RPRD2: variants seen among roughly 807,000 people sequenced by gnomAD.
RPRD2 encodes regulation of nuclear pre-mRNA domain-containing protein 2.
RPRD2 carries 12 observed loss-of-function variants against 104.4 expected under a neutral mutation model. That is an observed-to-expected ratio of 0.11 (90% CI 0.07 to 0.19). The LOEUF is 0.19. Among genes scored for constraint, RPRD2 ranks in the 10% least tolerant of loss-of-function variants. The pLI is 1.00. For missense variants in RPRD2, 1,543 were observed against 1,790.1 expected (o/e 0.86, Z 2.49); for synonymous variants, 714 against 684.9 (o/e 1.04, Z -0.66).
chr1:150,464,672 G>C lies in RPRD2; in HGVS notation c.1557G>C (p.Glu519Asp), dbSNP rs1161539287. 7 of 1,612,902 alleles carry C rather than the reference G, an allele frequency of 4.3e-6. No homozygotes were observed. The highest frequency in any genetic ancestry group is 5.9e-6 in the Non-Finnish European group (7 of 1,179,538). Residue 519 changes from glutamate (E) to aspartate (D), a missense_variant, in exon 10 of 11, where the codon GAG becomes GAC. Transcript: ENST00000369068. ...NILSKVEITP[E>D]SILSALSKTQ... ...TCTCCAAGGTGGAGATCACCCCAGA[G>C]AGCATTCTGTCTGCACTTTCCAAAA...
chr1:150,457,566 C>A lies in RPRD2; in HGVS notation c.1149C>A (p.Ile383=). Residue 383 remains isoleucine, a synonymous_variant, in exon 8 of 11, where the codon ATC becomes ATA. Transcript: ENST00000369068. ...ATGTGGAAGATGATGGGTCAAAAATCATTGGTATGTCTTTATGTGATTAAT... is the reference window on the plus strand; with the variant it reads ...ATGTGGAAGATGATGGGTCAAAAATAATTGGTATGTCTTTATGTGATTAAT... ...LSDVEDDGSK[I]IVEDRKEKPA... is the part of the protein sequence containing the mutation. 6.2e-7 allele frequency: 1 copy of A among 1,613,544 alleles called. No homozygotes were observed. The highest frequency in any genetic ancestry group is 8.5e-7 in the Non-Finnish European group (1 of 1,179,468).
chr1:150,436,400 G>C (rs1471010730), intron 2 of RPRD2, among the ~76,000 whole-genome samples: 2 of 151,944 alleles, frequency 1.3e-5, no homozygotes, highest in Non-Finnish European at 2.9e-5. Flanking sequence ...GGGAGATCGA[G>C]ACCATCCTGG....
At chr1:150,395,670 C>A (rs1662462948) in intron 1 of RPRD2, among the ~76,000 whole-genome samples, 1 of 152,098 alleles carries the variant, frequency 6.6e-6, no homozygotes, top group Non-Finnish European at 1.5e-5. Flanking sequence ...GCCACCACGC[C>A]TGGCTAGTTT....
chr1:150,398,285 C>T (rs1662695090), intron 1 of RPRD2, among the ~76,000 whole-genome samples: 1 of 152,060 alleles, frequency 6.6e-6, no homozygotes, highest in African/African-American at 2.4e-5. Context: ...CAAGCTCTGC[C>T]TCCCAGGTTC....
intron 10 of RPRD2, among the ~76,000 whole-genome samples, chr1:150,468,602 C>T (rs1473458424): frequency 6.6e-6 from 1 of 152,056 alleles, no homozygotes; most frequent in Non-Finnish European, 1.5e-5. Flanking sequence ...TCAGGCTGGG[C>T]ATGGTGGCTC....
chr1:150,411,233 G>T (rs1663875158), intron 1 of RPRD2, among the ~76,000 whole-genome samples: 1 of 151,880 alleles, frequency 6.6e-6, no homozygotes, highest in African/African-American at 2.4e-5. Context: ...GTCCAAGGCG[G>T]GTGGATCACC....
At position 150,438,705 on chromosome 1, in the gene RPRD2, A is replaced by G. The variant is rs782683191; in HGVS notation, c.336-2218A>G. Among the ~76,000 whole-genome samples the G allele has an allele frequency of 1.3e-4, 20 of 152,324 alleles. 1 individual carries two copies. Among genetic ancestry groups the G allele is most frequent in the African/African-American group, 4.6e-4 (19 of 41,580 alleles). On this transcript the variant is annotated intron_variant, in intron 2 of 10. Coordinates refer to ENST00000369068, the MANE Select transcript of RPRD2 (RefSeq NM_015203.5). ...TTTGAACATCCTAGAGTGTACTTAA[A>G]TAAACGTAGATGGCATAGCCTACTA...
chr1:150,463,984 T>A lies in RPRD2; in HGVS notation c.1412-543T>A, dbSNP rs181821179. Among the ~76,000 whole-genome samples, 73 of 152,232 alleles carry A rather than the reference T, an allele frequency of 4.8e-4. 1 individual carries two copies. In the East Asian group the frequency reaches 0.014, roughly 29 times the overall value. The stretch of plus-strand genomic sequence containing the variant: ...GTAGCAAGACCCTGTCTCTATTTTT[T>A]AAAAATAAATAAGAAATATTGGGGC... On this transcript the variant is annotated intron_variant, in intron 9 of 10. Transcript: ENST00000369068.
intron 2 of RPRD2, among the ~76,000 whole-genome samples, chr1:150,422,268 C>T (rs782561738): frequency 8.8e-5 from 13 of 148,358 alleles, no homozygotes; most frequent in Admixed American, 3.4e-4. Context: ...GGCATGAACC[C>T]GGGAAGCAGA....
At chr1:150,398,926 C>T (rs587644123) in intron 1 of RPRD2, among the ~76,000 whole-genome samples, 213 of 152,198 alleles carry the variant, frequency 1.4e-3, no homozygotes, top group African/African-American at 4.9e-3. Context: ...ATGATATTTT[C>T]GTTACATATA....
intron 1 of RPRD2, among the ~76,000 whole-genome samples, chr1:150,395,537 G>T (rs1365515838): frequency 1.2e-4 from 16 of 138,632 alleles, no homozygotes; most frequent in Non-Finnish European, 2.2e-4. Context: ...TTTTGAGATG[G>T]AGTCTTGCTC....
intron 1 of RPRD2, among the ~76,000 whole-genome samples, chr1:150,410,819 T>C (rs1477113567): frequency 2.0e-5 from 3 of 152,160 alleles, no homozygotes; most frequent in African/African-American, 7.2e-5. Context: ...TTTCTCACAG[T>C]TCTAGAGGTT....
At chr1:150,399,879 G>C (rs917655388) in intron 1 of RPRD2, among the ~76,000 whole-genome samples, 1 of 152,120 alleles carries the variant, frequency 6.6e-6, no homozygotes, top group Non-Finnish European at 1.5e-5. Flanking sequence ...TCTATTGTGG[G>C]TCTTTTGTTT....
At chr1:150,369,931 C>T (rs1474033057) in intron 1 of RPRD2, among the ~76,000 whole-genome samples, 1 of 151,928 alleles carries the variant, frequency 6.6e-6, no homozygotes. Flanking sequence ...CAGGCACATG[C>T]CACCACGCCC....
Position 150,385,897 on chromosome 1 carries a change from A to G in RPRD2, c.205+20978A>G, listed in dbSNP as rs1184165783. Among the ~76,000 whole-genome samples the G allele has an allele frequency of 2.6e-5, 4 of 152,162 alleles. No homozygotes were observed. In the South Asian group the frequency reaches 6.2e-4, roughly 24 times the overall value. On this transcript the variant is annotated intron_variant, in intron 1 of 10. Coordinates refer to ENST00000369068, the MANE Select transcript of RPRD2 (RefSeq NM_015203.5). ...GAGGGCTTTTTTCCCCCTTGGGTGC[A>G]TATTCTCAATCTTTTAAGTAGGTGG...
intron 1 of RPRD2, among the ~76,000 whole-genome samples, chr1:150,398,490 C>G (rs1662721975): frequency 6.6e-6 from 1 of 151,910 alleles, no homozygotes; most frequent in Non-Finnish European, 1.5e-5. Context: ...GCCACCGTGC[C>G]TGGCCTATTT....
rs780948076 is a variant in RPRD2, at chr1:150,471,398, C to T, written c.2450C>T (p.Ser817Leu). The T allele has an allele frequency of 2.5e-6, 4 of 1,613,896 alleles. No homozygotes were observed. Among genetic ancestry groups the T allele is most frequent in the Non-Finnish European group, 2.5e-6 (3 of 1,179,852 alleles). Residue 817 changes from serine to leucine, a missense_variant, in exon 11 of 11, where the codon TCA becomes TTA. By Grantham distance (145) the Ser-to-Leu change is moderately radical. Around this residue, in one of 4 missense-constraint regions of RPRD2, gnomAD observed 880 missense variants for 885.6 expected, o/e 0.99. Transcript: ENST00000369068. This position sits in a 1 kb window ranked among gnomAD's most constrained non-coding sequence, Gnocchi z 5.3. ...AGACCATCTTCCCTGATGGACTCTT[C>T]ACAGGAAAAGTTCTACCCAGATACT... Reference protein sequence around the residue: ...MERPSSLMDSSQEKFYPDTSF... With the variant: ...MERPSSLMDSLQEKFYPDTSF...
At chr1:150,448,445 A>G (rs1461617968) in intron 7 of RPRD2, among the ~76,000 whole-genome samples, 1 of 152,156 alleles carries the variant, frequency 6.6e-6, no homozygotes, top group African/African-American at 2.4e-5. Flanking sequence ...ATGGGACCAT[A>G]GGCATCAGCC....
chr1:150,461,478 A>G (rs1226962879), intron 9 of RPRD2, among the ~76,000 whole-genome samples: 2 of 152,214 alleles, frequency 1.3e-5, no homozygotes, highest in Admixed American at 6.5e-5. Context: ...ATCATTTTTA[A>G]TAGCTGCATA....
Sources: allele counts gnomAD v4.1 joint callset (sites outside exome capture counted in the v4.1 genomes callset), GRCh38; gene constraint gnomAD v4.1.1; regional missense constraint gnomAD v4.1.1; non-coding constraint Gnocchi (gnomAD v3.1); transcripts MANE v1.5; gene names NCBI Gene and HGNC (gene_info 2026-07-23, HGNC 2026-07-21).